Variants in RBFOX1 observed in about 807,000 individuals in gnomAD.
RBFOX1 encodes the protein RNA binding protein fox-1 homolog 1.
Under a neutral mutation model 57.7 loss-of-function variants are expected in RBFOX1, and 8 were observed. That is an observed-to-expected ratio of 0.14 (90% CI 0.08 to 0.25). The LOEUF is 0.25. RBFOX1 is among the 10% of genes least tolerant of loss of function. RBFOX1 has a pLI of 1.00. For synonymous variants in RBFOX1, 326 were observed against 222.4 expected, an observed-to-expected ratio of 1.47 and a Z score of -4.15; for missense variants, 611 against 548.5, an observed-to-expected ratio of 1.11 and a Z score of -1.14.
intron 4 of RBFOX1, among the ~76,000 whole-genome samples, chr16:7,498,439 A>G (rs971134371): frequency 1.8e-5 from 2 of 113,682 alleles, no homozygotes; most frequent in Non-Finnish European, 4.4e-5. Flanking sequence ...TGAATCACAT[A>G]TGTAGTGGGT....
intron 3 of RBFOX1, among the ~76,000 whole-genome samples, chr16:5,669,259 T>A (rs924921121): frequency 6.6e-6 from 1 of 151,548 alleles, no homozygotes; most frequent in African/African-American, 2.4e-5. Flanking sequence ...GGTGGGGGAG[T>A]GGCCACCCTC....
intron 2 of RBFOX1, among the ~76,000 whole-genome samples, chr16:6,602,998 AG>A (rs1428051584): frequency 6.6e-6 from 1 of 152,214 alleles, no homozygotes; most frequent in African/African-American, 2.4e-5. Context: ...AGTGCACCCA[AG>A]GAAAAAGAAG....
intron 4 of RBFOX1, among the ~76,000 whole-genome samples, chr16:7,516,587 T>G (rs1253839240): frequency 1.3e-5 from 2 of 152,156 alleles, no homozygotes; most frequent in East Asian, 1.9e-4. Context: ...AGGCACACCC[T>G]CCATGGCCCC....
intron 14 of RBFOX1, among the ~76,000 whole-genome samples, chr16:7,690,801 A>G (rs779612934): frequency 1.3e-5 from 2 of 152,098 alleles, no homozygotes; most frequent in Non-Finnish European, 2.9e-5. Context: ...CTCTAAATCA[A>G]TAGTCTTAAT....
chr16:5,949,193 G>T (rs2152274287), intron 4 of RBFOX1, among the ~76,000 whole-genome samples: 1 of 152,188 alleles, frequency 6.6e-6, no homozygotes, highest in Non-Finnish European at 1.5e-5. Flanking sequence ...ATGATACAAG[G>T]ATATTATCTA....
At chr16:7,062,590 G>A (rs142731650) in intron 4 of RBFOX1, among the ~76,000 whole-genome samples, 7 of 152,222 alleles carry the variant, frequency 4.6e-5, no homozygotes, top group Admixed American at 1.3e-4. Flanking sequence ...GTCTTGGAGA[G>A]AGGATAAATC....
rs976336386 is a variant in RBFOX1, at chr16:7,213,854, C to G, written c.27+161756C>G. 4.6e-5 allele frequency among the ~76,000 whole-genome samples: 7 copies of G among 152,206 alleles called. 1 individual carries two copies. The highest frequency in any genetic ancestry group is 4.2e-4 in the South Asian group (2 of 4,818). On this transcript the variant is annotated intron_variant, in intron 4 of 15. Coordinates refer to ENST00000550418, the MANE Select transcript of RBFOX1 (RefSeq NM_018723.4). The stretch of plus-strand genomic sequence containing the variant: ...TGGATGAGGGTTGAAAAAGTCCTGC[C>G]CAGCAATAGGGGGAACGACTCAAAG...
intron 3 of RBFOX1, among the ~76,000 whole-genome samples, chr16:5,612,212 C>CTCAT (rs57482052): frequency 0.75 from 107,834 of 143,904 alleles, 40,690 homozygotes; most frequent in East Asian, 0.85. Flanking sequence ...CCCCTCCACT[C>CTCAT]TCATTCATTC....
At chr16:5,543,435 A>C (rs1384863833) in intron 2 of RBFOX1, among the ~76,000 whole-genome samples, 1 of 152,210 alleles carries the variant, frequency 6.6e-6, no homozygotes, top group Non-Finnish European at 1.5e-5. Flanking sequence ...TTGCCCATAC[A>C]CAAAAAAGAT....
intron 2 of RBFOX1, among the ~76,000 whole-genome samples, chr16:6,587,860 T>C (rs1373662823): frequency 1.3e-5 from 2 of 152,214 alleles, no homozygotes; most frequent in Non-Finnish European, 2.9e-5. Context: ...TCTTCCCATA[T>C]ATATTGGACA....
intron 4 of RBFOX1, among the ~76,000 whole-genome samples, chr16:7,158,620 T>A (rs1257549154): frequency 6.6e-6 from 1 of 152,066 alleles, no homozygotes; most frequent in Non-Finnish European, 1.5e-5. Flanking sequence ...GTTTGTATGA[T>A]GTGTCTGCAT....
At chr16:6,383,470 C>A (rs763493647) in intron 2 of RBFOX1, among the ~76,000 whole-genome samples, 2 of 152,126 alleles carry the variant, frequency 1.3e-5, no homozygotes, top group Non-Finnish European at 2.9e-5. Context: ...ATGCACCAAG[C>A]CCCTTCTAGA....
At chr16:6,535,919 A>G (rs570355064) in intron 2 of RBFOX1, among the ~76,000 whole-genome samples, 1 of 152,304 alleles carries the variant, frequency 6.6e-6, no homozygotes, top group South Asian at 2.1e-4. Context: ...GTCTCCCTCT[A>G]GAGATGACAC....
chr16:5,877,782 T>C (rs1247758601), intron 4 of RBFOX1, among the ~76,000 whole-genome samples: 1 of 152,160 alleles, frequency 6.6e-6, no homozygotes, highest in Non-Finnish European at 1.5e-5. Flanking sequence ...TATGGAGAAA[T>C]GTTTAGAAAT....
chr16:6,973,087 C>T (rs1259254687), intron 3 of RBFOX1, among the ~76,000 whole-genome samples: 2 of 151,858 alleles, frequency 1.3e-5, no homozygotes, highest in Non-Finnish European at 2.9e-5. Context: ...GCTGAGATTG[C>T]ACTACTGCAC....
intron 3 of RBFOX1, among the ~76,000 whole-genome samples, chr16:7,026,044 C>G (rs994542985): frequency 6.6e-6 from 1 of 152,158 alleles, no homozygotes; most frequent in East Asian, 1.9e-4. Context: ...AAAGGGAAAA[C>G]AAAAGGACTA....
intron 2 of RBFOX1, among the ~76,000 whole-genome samples, chr16:6,619,471 C>G (rs1043392866): frequency 6.6e-6 from 1 of 152,150 alleles, no homozygotes; most frequent in African/African-American, 2.4e-5. Context: ...TCAGTTCTCC[C>G]ATTCTTTTTT....
In RBFOX1 at chr16:6,859,167, ATATATATG is replaced by A. The variant is rs1158783453; in HGVS notation, c.-15-192882_-15-192875del. Among the ~76,000 whole-genome samples the A allele has an allele frequency of 4.1e-3, 301 of 73,114 alleles. 1 individual carries two copies. The highest frequency in any genetic ancestry group is 9.6e-3 in the African/African-American group (141 of 14,674). 48.0% of individuals were successfully genotyped at this position (73,114 alleles called of 152,430 possible). A position where few individuals can be genotyped will look rare whatever the true frequency, so the allele number is the denominator to read the frequency against. The stretch of plus-strand genomic sequence containing the variant: ...TATATATATATGTATATATATACGT[ATATATATG>A]TATATATATGTATATATATATGTAT... On this transcript the variant is annotated intron_variant, in intron 3 of 15. Coordinates refer to ENST00000550418, the MANE Select transcript of RBFOX1 (RefSeq NM_018723.4).
At chr16:5,552,968 C>G (rs960556453) in intron 2 of RBFOX1, among the ~76,000 whole-genome samples, 2 of 152,042 alleles carry the variant, frequency 1.3e-5, no homozygotes, top group South Asian at 2.1e-4. Flanking sequence ...AAGGATCAGT[C>G]CATGTCCTTT....
Sources: gnomAD v4.1 joint callset for allele counts (sites outside exome capture counted in the v4.1 genomes callset) on GRCh38, gnomAD v4.1.1 for gene constraint, MANE v1.5 for transcripts, NCBI Gene and HGNC (gene_info 2026-07-23, HGNC 2026-07-21) for gene names.